The following STXBP6 variants were observed in gnomAD, a reference collection of about 807,000 sequenced individuals.
STXBP6 encodes syntaxin binding protein 6.
In STXBP6, 21 loss-of-function variants were observed where a neutral mutation model predicts 26.9. That is an observed-to-expected ratio of 0.78 (90% CI 0.55 to 1.12). STXBP6 has a LOEUF of 1.12. Among genes scored for constraint, STXBP6 ranks in the 50% most tolerant of loss-of-function variants. STXBP6 has a pLI of 0.00. For synonymous variants in STXBP6, 97 were observed against 92.6 expected (o/e 1.05, Z -0.27); for missense variants, 232 against 257.9 (o/e 0.90, Z 0.69).
At chr14:24,929,956 G>T (rs2072321310) in intron 2 of STXBP6, among the ~76,000 whole-genome samples, 1 of 152,276 alleles carries the variant, frequency 6.6e-6, no homozygotes, top group African/African-American at 2.4e-5. Context: ...GCACCACTTT[G>T]TTATATGCAA....
At chr14:24,937,608 T>C (rs148862120) in intron 2 of STXBP6, among the ~76,000 whole-genome samples, 3 of 151,054 alleles carry the variant, frequency 2.0e-5, no homozygotes, top group African/African-American at 7.4e-5. Flanking sequence ...TTCATTAAAA[T>C]GTAAAACACA....
intron 1 of STXBP6, among the ~76,000 whole-genome samples, chr14:24,986,521 A>C (rs1423514368): frequency 1.3e-5 from 2 of 152,190 alleles, no homozygotes; most frequent in Non-Finnish European, 2.9e-5. Flanking sequence ...TAACCATACC[A>C]GGAGCCTGGA....
intron 1 of STXBP6, among the ~76,000 whole-genome samples, chr14:25,028,114 C>T (rs572394575): frequency 8.5e-5 from 13 of 152,276 alleles, no homozygotes; most frequent in East Asian, 3.9e-4. Flanking sequence ...GCAAGTTATG[C>T]GGATGATCTA....
Position 24,812,583 on chromosome 14 carries a change from CA to C in STXBP6, c.*125del, listed in dbSNP as rs895244587. 141 of 895,580 alleles carry C rather than the reference CA, an allele frequency of 1.6e-4. No homozygotes were observed. The highest frequency in any genetic ancestry group is 2.4e-4 in the Non-Finnish European group (136 of 575,730). 55.5% of individuals were successfully genotyped at this position (895,580 alleles called of 1,614,324 possible). On this transcript the variant is annotated 3_prime_UTR_variant, in exon 6 of 6. Coordinates refer to ENST00000323944, the MANE Select transcript of STXBP6 (RefSeq NM_001394410.1). The stretch of plus-strand genomic sequence containing the variant: ...CACATTAACATCTGAAAAGAAAAAA[CA>C]AAAACCACTCTAAGTGTCCAAATAT...
chr14:24,835,007 A>T (rs1294340184), intron 4 of STXBP6, among the ~76,000 whole-genome samples: 2 of 152,194 alleles, frequency 1.3e-5, no homozygotes, highest in African/African-American at 4.8e-5. Context: ...CCTCCTGAAT[A>T]CATAGAAGGT....
intron 2 of STXBP6, among the ~76,000 whole-genome samples, chr14:24,901,048 T>C (rs2071193815): frequency 6.6e-6 from 1 of 152,118 alleles, no homozygotes; most frequent in Non-Finnish European, 1.5e-5. Context: ...AAGAATCTCA[T>C]ATTAAAAAGC....
chr14:24,976,424 G>C (rs187410127), intron 1 of STXBP6, among the ~76,000 whole-genome samples: 1 of 152,298 alleles, frequency 6.6e-6, no homozygotes, highest in East Asian at 1.9e-4. Flanking sequence ...CATACACAAA[G>C]AATATGTATC....
intron 1 of STXBP6, among the ~76,000 whole-genome samples, chr14:25,006,966 C>A (rs1051453439): frequency 1.3e-5 from 2 of 152,180 alleles, no homozygotes; most frequent in African/African-American, 4.8e-5. Context: ...CACACTCCGA[C>A]ATTAGTTACC....
chr14:24,819,402 G>T, intron 4 of STXBP6: 1 of 617,848 alleles, frequency 1.6e-6, no homozygotes, highest in Non-Finnish European at 2.9e-6. Context: ...GCAGGACCTA[G>T]GAAAATCCTA....
At chr14:25,021,934 T>C (rs758727465) in intron 1 of STXBP6, among the ~76,000 whole-genome samples, 22 of 152,188 alleles carry the variant, frequency 1.4e-4, no homozygotes, top group Non-Finnish European at 2.9e-4. Flanking sequence ...TGTCAACAGA[T>C]CCTAGGCATC....
intron 1 of STXBP6, among the ~76,000 whole-genome samples, chr14:25,016,589 C>T (rs1255380973): frequency 1.3e-5 from 2 of 152,112 alleles, no homozygotes; most frequent in Non-Finnish European, 2.9e-5. Flanking sequence ...AAGAAATTCA[C>T]ATTCTAGAGA....
At chr14:25,037,163 C>T (rs2075569533) in intron 1 of STXBP6, among the ~76,000 whole-genome samples, 1 of 152,154 alleles carries the variant, frequency 6.6e-6, no homozygotes, top group Non-Finnish European at 1.5e-5. Context: ...GTTTGGGAAA[C>T]AGGAGTGTCC....
intron 2 of STXBP6, among the ~76,000 whole-genome samples, chr14:24,875,129 A>T (rs2070088791): frequency 6.6e-6 from 1 of 152,106 alleles, no homozygotes; most frequent in African/African-American, 2.4e-5. Context: ...AAAGCCCTGG[A>T]CCGGGAGTCA....
At chr14:24,891,868 C>A (rs925282983) in intron 2 of STXBP6, among the ~76,000 whole-genome samples, 2 of 152,170 alleles carry the variant, frequency 1.3e-5, no homozygotes, top group African/African-American at 2.4e-5. Context: ...TATCCTGGTG[C>A]AGAACATTTC....
chr14:24,887,879 GTGA>G (rs1458309828), intron 2 of STXBP6, among the ~76,000 whole-genome samples: 4 of 152,222 alleles, frequency 2.6e-5, no homozygotes, highest in Non-Finnish European at 5.9e-5. Context: ...CCTACTAGCA[GTGA>G]GGGAAGGAAA....
intron 1 of STXBP6, among the ~76,000 whole-genome samples, chr14:25,010,336 C>A (rs11850957): frequency 1.6e-4 from 25 of 152,106 alleles, no homozygotes; most frequent in Admixed American, 6.5e-4. Flanking sequence ...AATTAAAATG[C>A]GTTCCAATTT....
chr14:25,031,016 T>A (rs1208265148), intron 1 of STXBP6, among the ~76,000 whole-genome samples: 2 of 152,166 alleles, frequency 1.3e-5, no homozygotes, highest in African/African-American at 4.8e-5. Flanking sequence ...CTATTGCTAG[T>A]GGAAATTTGT....
At chr14:24,839,874 C>G (rs1441983155) in intron 4 of STXBP6, among the ~76,000 whole-genome samples, 1 of 152,162 alleles carries the variant, frequency 6.6e-6, no homozygotes, top group Non-Finnish European at 1.5e-5. Context: ...AATCTGTGTT[C>G]TTAACCACCG....
At chr14:24,869,257 G>T (rs2069839447) in intron 2 of STXBP6, among the ~76,000 whole-genome samples, 1 of 151,832 alleles carries the variant, frequency 6.6e-6, no homozygotes, top group Admixed American at 6.6e-5. Flanking sequence ...GGCAATATGG[G>T]GAAATAAAAA....
Sources: allele counts gnomAD v4.1 joint callset (sites outside exome capture counted in the v4.1 genomes callset), GRCh38; gene constraint gnomAD v4.1.1; transcripts MANE v1.5; gene names NCBI Gene and HGNC (gene_info 2026-07-23, HGNC 2026-07-21).